The following CHD6 variants were observed in gnomAD, a reference collection of about 807,000 sequenced individuals.
CHD6 encodes the protein chromodomain helicase DNA binding protein 6.
Under a neutral mutation model 276.9 loss-of-function variants are expected in CHD6, and 50 were observed. The observed-to-expected ratio is 0.18, with a 90% CI of 0.14 to 0.23. The LOEUF is 0.23. Ranked by LOEUF, CHD6 falls within the 10% of genes least tolerant of loss-of-function variation. The probability of loss-of-function intolerance (pLI) is 1.00; values close to 1 mark genes in which losing one functional copy is unlikely to be tolerated. For missense variants in CHD6, 2,564 were observed against 3,365.8 expected, an observed-to-expected ratio of 0.76 and a Z score of 5.89; for synonymous variants, 1,173 against 1,229.3, an observed-to-expected ratio of 0.95 and a Z score of 0.96.
In CHD6 at chr20:41,451,119, A is replaced by G. The variant is rs751955060; in HGVS notation, c.3524-14T>C. ...GGGCAGATAAGCCTGAAACAGAAAG[A>G]CAGCATAGGGCAAGTGGATAGCCAA... On this transcript the variant is annotated splice_polypyrimidine_tract_variant and intron_variant, in intron 22 of 36. Transcript: ENST00000373233. 1.2e-5 allele frequency: 19 copies of G among 1,612,262 alleles called. No homozygotes were observed. Among genetic ancestry groups the G allele is most frequent in the Middle Eastern group, 3.3e-4 (2 of 6,078 alleles).
At chr20:41,437,216 G>T (rs1299506104) in intron 27 of CHD6, 58 bp downstream of exon 27, 16 of 1,285,010 alleles carry the variant, frequency 1.2e-5, no homozygotes, top group Non-Finnish European at 1.8e-5. Context: ...CCAAGATAGG[G>T]ATTTCTTTCT....
At chr20:41,611,794 T>C (rs936750757) in intron 1 of CHD6, among the ~76,000 whole-genome samples, 1 of 152,120 alleles carries the variant, frequency 6.6e-6, no homozygotes, top group Non-Finnish European at 1.5e-5. Context: ...CATGCCGCCA[T>C]GCTTGGCTAA....
chr20:41,518,148 A>G (rs969218490), intron 3 of CHD6, among the ~76,000 whole-genome samples: 3 of 152,252 alleles, frequency 2.0e-5, no homozygotes, highest in African/African-American at 7.2e-5. Context: ...TGGCCTCTGA[A>G]TCTTCTGTAC....
intron 25 of CHD6, among the ~76,000 whole-genome samples, chr20:41,445,403 C>T (rs990325409): frequency 2.6e-5 from 4 of 152,110 alleles, no homozygotes; most frequent in African/African-American, 7.2e-5. Context: ...CATGGACAGG[C>T]GAGGGAGGAA....
intron 1 of CHD6, chr20:41,564,158 A>C (rs534886688): frequency 1.2e-3 from 870 of 731,456 alleles, no homozygotes; most frequent in Non-Finnish European, 1.9e-3. Flanking sequence ...TGGGCTAAAA[A>C]CAAAAAGTTA....
intron 2 of CHD6, among the ~76,000 whole-genome samples, chr20:41,549,409 T>C (rs941478077): frequency 5.6e-5 from 8 of 144,130 alleles, no homozygotes; most frequent in Admixed American, 3.5e-4. Flanking sequence ...AACCAAACAC[T>C]GCATGTTCTC....
intron 1 of CHD6, among the ~76,000 whole-genome samples, chr20:41,556,190 G>C (rs1176523344): frequency 6.6e-6 from 1 of 151,574 alleles, no homozygotes; most frequent in Non-Finnish European, 1.5e-5. Flanking sequence ...GCAGTGAGCC[G>C]AGATGGCAGC....
chr20:41,451,703 A>G, intron 22 of CHD6, 123 bp downstream of exon 22: 1 of 819,740 alleles, frequency 1.2e-6, no homozygotes, highest in Non-Finnish European at 2.0e-6. Flanking sequence ...CCCACTGGTA[A>G]CATTCTGAAA....
At chr20:41,598,322 C>G (rs1049477502) in intron 1 of CHD6, among the ~76,000 whole-genome samples, 1 of 152,166 alleles carries the variant, frequency 6.6e-6, no homozygotes, top group Non-Finnish European at 1.5e-5. Flanking sequence ...TCTCTCCCTA[C>G]AATGCAATGG....
intron 16 of CHD6, among the ~76,000 whole-genome samples, chr20:41,479,178 T>G (rs1398744838): frequency 6.6e-6 from 1 of 152,102 alleles, no homozygotes; most frequent in Admixed American, 6.6e-5. Flanking sequence ...ACAGAGCCCA[T>G]GGACTTGTGG....
In CHD6 at chr20:41,421,791, T is replaced by G. The variant is rs2047202721; in HGVS notation, c.4844A>C (p.Tyr1615Ser). 6.2e-7 allele frequency: 1 copy of G among 1,614,186 alleles called. No homozygotes were observed. The highest frequency in any genetic ancestry group is 8.5e-7 in the Non-Finnish European group (1 of 1,180,040). Residue 1615 changes from tyrosine to serine, a missense_variant, in exon 31 of 37, where the codon TAT becomes TCT. Coordinates refer to ENST00000373233, the MANE Select transcript of CHD6 (RefSeq NM_032221.5). ...GGTGCCAGATCTTTTATGCTGGGCA[T>G]AGTTTCTATAGGCATCCAGGAAGGA... ...QLSFLDAYRN[Y>S]AQHKRSGTQA...
chr20:41,471,190 C>G (rs1331314250), intron 17 of CHD6, among the ~76,000 whole-genome samples: 1 of 152,242 alleles, frequency 6.6e-6, no homozygotes, highest in Non-Finnish European at 1.5e-5. Flanking sequence ...AGATTATATA[C>G]TTACAAACGG....
Position 41,404,721 on chromosome 20 carries a change from T to G in CHD6, c.8020A>C (p.Ser2674Arg). The G allele has an allele frequency of 6.2e-7, 1 of 1,601,676 alleles. No individual in the cohort carries two copies. Among genetic ancestry groups the G allele is most frequent in the Non-Finnish European group, 8.5e-7 (1 of 1,173,682 alleles). The change falls in exon 37 of 37, where the codon AGC becomes CGC. Residue 2674 changes from serine (S) to arginine (R), a missense_variant. This residue lies in a region of CHD6 where 238 missense variants were observed against 266.0 expected (regional missense o/e 0.89). Transcript: ENST00000373233. ...NPNSHPEPAP[S>R]CEREPSGDEN... is the part of the protein sequence containing the mutation. ...TCACCGCTGGGCTCCCTTTCACAGC[T>G]GGGAGCAGGCTCTGGGTGGGAGTTG...
Position 41,437,266 on chromosome 20 carries a change from T to C in CHD6, c.4068+8A>G. 6.2e-7 allele frequency: 1 copy of C among 1,607,076 alleles called. No homozygotes were observed. The highest frequency in any genetic ancestry group is 1.1e-5 in the South Asian group (1 of 90,918). On this transcript the variant is annotated splice_region_variant and intron_variant, in intron 27 of 36. Transcript: ENST00000373233. ...GTGTAAATGACCAATACTGCACATTTGACTCACCGTTTGTTTCTGGAGGCC... is the reference window on the plus strand; with the variant it reads ...GTGTAAATGACCAATACTGCACATTCGACTCACCGTTTGTTTCTGGAGGCC...
At chr20:41,568,577 C>G (rs895029401) in intron 1 of CHD6, among the ~76,000 whole-genome samples, 1 of 152,240 alleles carries the variant, frequency 6.6e-6, no homozygotes, top group African/African-American at 2.4e-5. Context: ...AACAGCTCCT[C>G]AACCAAACCT....
intron 16 of CHD6, among the ~76,000 whole-genome samples, chr20:41,475,455 A>T (rs2043147824): frequency 6.6e-6 from 1 of 152,206 alleles, no homozygotes. Flanking sequence ...TGGAGAATAC[A>T]TAAGGGACAC....
chr20:41,484,567 C>T lies in CHD6; in HGVS notation c.2042G>A (p.Arg681Gln), dbSNP rs1292940872. 1.9e-6 allele frequency: 3 copies of T among 1,613,606 alleles called. No homozygotes were observed. Among genetic ancestry groups the T allele is most frequent in the African/African-American group, 1.3e-5 (1 of 74,866 alleles). The change falls in exon 15 of 37, where the codon CGG becomes CAG. Residue 681 changes from arginine (R) to glutamine (Q), a missense_variant. Transcript: ENST00000373233. ...CTTTTCCACATCATCTTTCAGCCGCCGAAGCATCATTGGTTTTAGGATAGA... is the reference window on the plus strand; with the variant it reads ...CTTTTCCACATCATCTTTCAGCCGCTGAAGCATCATTGGTTTTAGGATAGA... ...LQSILKPMML[R>Q]RLKDDVEKNL...
chr20:41,529,098 AAATCCC>A (rs1317322336), intron 3 of CHD6, among the ~76,000 whole-genome samples: 1 of 152,246 alleles, frequency 6.6e-6, no homozygotes, highest in African/African-American at 2.4e-5. Flanking sequence ...ACCTGGAGTC[AAATCCC>A]AACAATGGTG....
chr20:41,433,373 G>C (rs1485547673), intron 27 of CHD6, among the ~76,000 whole-genome samples: 4 of 152,090 alleles, frequency 2.6e-5, no homozygotes, highest in Middle Eastern at 3.2e-3. Context: ...AGAGAGAAAA[G>C]ACACATTACC....
Sources: allele counts gnomAD v4.1 joint callset (sites outside exome capture counted in the v4.1 genomes callset), GRCh38; gene constraint gnomAD v4.1.1; regional missense constraint gnomAD v4.1.1; transcripts MANE v1.5; gene names NCBI Gene and HGNC (gene_info 2026-07-23, HGNC 2026-07-21).